Variants in VPS13B observed in about 807,000 individuals in gnomAD.
VPS13B encodes intermembrane lipid transfer protein VPS13B.
VPS13B carries 285 observed loss-of-function variants against 426.4 expected under a neutral mutation model. The ratio of observed to expected loss-of-function variants is 0.67; its 90% confidence interval spans 0.61 to 0.74. The LOEUF is 0.74. VPS13B is among the 30% of genes least tolerant of loss of function. VPS13B has a pLI of 0.00. For synonymous variants in VPS13B, 1,676 were observed against 1,676.4 expected (o/e 1.00, Z 0.01); for missense variants, 4,537 against 4,782.6 (o/e 0.95, Z 1.51).
chr8:99,793,284 T>TATATATATATATATATATATAA (rs1282918685), intron 43 of VPS13B, among the ~76,000 whole-genome samples: 2 of 142,538 alleles, frequency 1.4e-5, no homozygotes, highest in African/African-American at 5.2e-5. Context: ...TATATATATA[T>TATATATATATATATATATATAA]AAAATACATG....
intron 25 of VPS13B, among the ~76,000 whole-genome samples, chr8:99,497,055 TA>T (rs960415562): frequency 4.6e-4 from 68 of 146,644 alleles, no homozygotes; most frequent in African/African-American, 1.6e-3. Flanking sequence ...CTAGAATATT[TA>T]TTTACAAATA....
chr8:99,841,460 C>T (rs972892442), intron 54 of VPS13B, among the ~76,000 whole-genome samples: 2 of 152,176 alleles, frequency 1.3e-5, no homozygotes, highest in Non-Finnish European at 2.9e-5. Flanking sequence ...TCACTGTTTT[C>T]CCAGTACAAA....
rs897019198 is a variant in VPS13B at position 99,875,899 on chromosome 8, A to G, written c.*233A>G. The G allele has an allele frequency of 5.3e-6, 3 of 566,494 alleles. No individual in the cohort carries two copies. The African/African-American group carries it at 5.7e-5, about 11-fold the overall frequency. 35.1% of individuals were successfully genotyped at this position (566,494 alleles called of 1,614,324 possible). A position where few individuals can be genotyped will look rare whatever the true frequency, so the allele number is the denominator to read the frequency against. On this transcript the variant is annotated 3_prime_UTR_variant, in exon 62 of 62. Coordinates refer to ENST00000357162, the MANE Select transcript of VPS13B (RefSeq NM_152564.5). The stretch of plus-strand genomic sequence containing the variant: ...GCCTAGGCAGCTCTAACATCATCTG[A>G]TATGGACACAAGGCCAACAGTTTCC...
intron 61 of VPS13B, 35 bp downstream of exon 61, chr8:99,871,732 T>C: frequency 6.2e-7 from 1 of 1,611,938 alleles, no homozygotes; most frequent in South Asian, 1.1e-5. Context: ...CAAGACTAGC[T>C]GGCCAGGGAG....
At chr8:99,452,901 A>G (rs770176283) in intron 23 of VPS13B, among the ~76,000 whole-genome samples, 1 of 152,204 alleles carries the variant, frequency 6.6e-6, no homozygotes, top group Non-Finnish European at 1.5e-5. Context: ...ATTAGGGAGC[A>G]CTTGCAGTGA....
At chr8:99,103,624 C>T (rs1056734328) in intron 5 of VPS13B, among the ~76,000 whole-genome samples, 17 of 151,662 alleles carry the variant, frequency 1.1e-4, no homozygotes, top group South Asian at 2.1e-4. Context: ...CTCAGCCTCC[C>T]GAGTAGCTGG....
chr8:99,084,505 GTGTTTGCT>G lies in VPS13B; in HGVS notation c.292-11806_292-11799del, dbSNP rs1251671669. On this transcript the variant is annotated intron_variant, in intron 3 of 61. Transcript: ENST00000357162. The stretch of plus-strand genomic sequence containing the variant: ...TCTTGCCTTCTGCTAGCTTTTGAAT[GTGTTTGCT>G]CTTGCTTCTCTAGTTCTTTTAATTG... 3.3e-5 allele frequency among the ~76,000 whole-genome samples: 5 copies of G among 152,194 alleles called. No homozygotes were observed. The East Asian group carries it at 9.7e-4, about 29-fold the overall frequency.
At chr8:99,122,514 G>C (rs1272435065) in intron 8 of VPS13B, among the ~76,000 whole-genome samples, 2 of 152,050 alleles carry the variant, frequency 1.3e-5, no homozygotes, top group Middle Eastern at 3.4e-3. Context: ...TAGTAGCTTT[G>C]ATCCCCCATG....
rs1323592014 is a variant in VPS13B at position 99,386,636 on chromosome 8, C to T, written c.2934+2319C>T. On this transcript the variant is annotated intron_variant, in intron 20 of 61. Coordinates refer to ENST00000357162, the MANE Select transcript of VPS13B (RefSeq NM_152564.5). Reference sequence around the variant, plus strand: ...GTATGCAATCCATTGTTGACTGAAACATTGTTATGTGGCACATAATTATAG... The same window carrying T: ...GTATGCAATCCATTGTTGACTGAAATATTGTTATGTGGCACATAATTATAG... 2.6e-5 allele frequency among the ~76,000 whole-genome samples: 4 copies of T among 152,224 alleles called. No homozygotes were observed. In the East Asian group the frequency reaches 5.8e-4, roughly 22 times the overall value.
Position 99,772,697 on chromosome 8 carries a change from A to G in VPS13B, c.7248-4078A>G, listed in dbSNP as rs185055681. ...TTCAGAAAACCTTTTCCCCTGTTTT[A>G]TATGTGTATACTGGATTACAATAAA... is the stretch of plus-strand genomic sequence containing the variant. On this transcript the variant is annotated intron_variant, in intron 40 of 61. Transcript: ENST00000357162. Among the ~76,000 whole-genome samples, 11 of 152,346 alleles carry G rather than the reference A, an allele frequency of 7.2e-5. No homozygotes were observed. The East Asian group carries it at 2.1e-3, about 29-fold the overall frequency.
At chr8:99,823,301 G>C (rs2130827242) in intron 50 of VPS13B, among the ~76,000 whole-genome samples, 2 of 152,290 alleles carry the variant, frequency 1.3e-5, no homozygotes, top group South Asian at 4.1e-4. Context: ...GAGTTAATAT[G>C]TATACAGCAC....
At chr8:99,464,958 T>C (rs529359244) in intron 23 of VPS13B, among the ~76,000 whole-genome samples, 1 of 152,342 alleles carries the variant, frequency 6.6e-6, no homozygotes, top group African/African-American at 2.4e-5. Context: ...TTGTTCTTTT[T>C]TTCTTATTCT....
At position 99,861,855 on chromosome 8, in the gene VPS13B, C is replaced by A; in HGVS notation, c.11124C>A (p.Tyr3708Ter). The change falls in exon 58 of 62, where the codon TAC becomes TAA. Residue 3708 changes from tyrosine to a stop codon, truncating the protein, a stop_gained. Transcript: ENST00000357162. LOFTEE classifies it high-confidence loss of function. ...GGCTCTCACTGGATGAGGAGCACTA[C>A]AACCGGCAGGAGGAGTGGCGGCGGC... ...MDRLSLDEEH[Y>*]NRQEEWRRQL... 6.2e-7 allele frequency: 1 copy of A among 1,601,964 alleles called. No homozygotes were observed. The highest frequency in any genetic ancestry group is 1.1e-5 in the South Asian group (1 of 88,452).
chr8:99,471,893 A>G (rs1819429498), intron 24 of VPS13B, among the ~76,000 whole-genome samples: 1 of 152,160 alleles, frequency 6.6e-6, no homozygotes, highest in African/African-American at 2.4e-5. Context: ...CACTCCAAGT[A>G]AAAGGCAAAG....
chr8:99,584,499 A>G (rs528580387), intron 33 of VPS13B, among the ~76,000 whole-genome samples: 1 of 152,340 alleles, frequency 6.6e-6, no homozygotes, highest in Non-Finnish European at 1.5e-5. Flanking sequence ...AGAGCTTACT[A>G]TATGCCAGAT....
intron 17 of VPS13B, among the ~76,000 whole-genome samples, chr8:99,265,675 G>C (rs938435007): frequency 6.6e-6 from 1 of 152,148 alleles, no homozygotes; most frequent in African/African-American, 2.4e-5. Context: ...GTAGTCACTA[G>C]ATAAAATTTT....
chr8:99,458,745 C>T (rs543919687), intron 23 of VPS13B, among the ~76,000 whole-genome samples: 128 of 152,224 alleles, frequency 8.4e-4, no homozygotes, highest in African/African-American at 1.6e-3. Context: ...TCATATCCTT[C>T]GCCCACTTTT....
chr8:99,828,263 G>C (rs1212633945), intron 51 of VPS13B, among the ~76,000 whole-genome samples: 1 of 152,002 alleles, frequency 6.6e-6, no homozygotes, highest in Admixed American at 6.6e-5. Context: ...CTTGTATTGG[G>C]TGCATATATA....
intron 43 of VPS13B, among the ~76,000 whole-genome samples, chr8:99,803,127 ATTACC>A (rs1049892231): frequency 6.6e-6 from 1 of 152,202 alleles, no homozygotes; most frequent in African/African-American, 2.4e-5. Context: ...ATCTGTAATT[ATTACC>A]TTAGGATAGA....
Sources: gnomAD v4.1 joint callset for allele counts (sites outside exome capture counted in the v4.1 genomes callset) on GRCh38, gnomAD v4.1.1 for gene constraint, MANE v1.5 for transcripts, NCBI Gene and HGNC (gene_info 2026-07-23, HGNC 2026-07-21) for gene names.